SORBS2: variants seen among roughly 807,000 people sequenced by gnomAD.
The protein encoded by SORBS2 is sorbin and SH3 domain-containing protein 2.
SORBS2 carries 46 observed loss-of-function variants against 97.7 expected under a neutral mutation model. That is an observed-to-expected ratio of 0.47 (90% CI 0.37 to 0.60). The LOEUF is 0.60. SORBS2 is among the 20% of genes least tolerant of loss of function. The pLI is 0.00. For missense variants in SORBS2, 1,316 were observed against 1,282.3 expected (o/e 1.03, Z -0.40); for synonymous variants, 476 against 473.4 (o/e 1.01, Z -0.07).
intron 1 of SORBS2, among the ~76,000 whole-genome samples, chr4:185,910,171 T>C (rs1022134721): frequency 6.6e-6 from 1 of 152,070 alleles, no homozygotes; most frequent in African/African-American, 2.4e-5. Flanking sequence ...TGACCCTGTG[T>C]CCTGCAGAAT....
chr4:185,674,282 C>T (rs1378670456), intron 4 of SORBS2, among the ~76,000 whole-genome samples: 1 of 152,228 alleles, frequency 6.6e-6, no homozygotes, highest in Non-Finnish European at 1.5e-5. Context: ...GCGATGCTAT[C>T]TTCCAGTTGG....
chr4:185,740,156 T>C (rs1484143428), intron 2 of SORBS2: 1 of 152,578 alleles, frequency 6.6e-6, no homozygotes, highest in East Asian at 1.9e-4. Context: ...AAAAAATAGA[T>C]GATGGAAAAC....
intron 2 of SORBS2, among the ~76,000 whole-genome samples, chr4:185,729,787 A>G (rs1468628904): frequency 6.6e-6 from 1 of 152,206 alleles, no homozygotes; most frequent in Non-Finnish European, 1.5e-5. Context: ...GTACAGTACA[A>G]CTTATGTAAT....
At chr4:185,752,523 G>T (rs373438117) in intron 2 of SORBS2, among the ~76,000 whole-genome samples, 1 of 152,036 alleles carries the variant, frequency 6.6e-6, no homozygotes. Context: ...TGATCTGCCC[G>T]CCTCGGCCTC....
chr4:185,928,826 G>A (rs1466207005), intron 1 of SORBS2, among the ~76,000 whole-genome samples: 2 of 152,196 alleles, frequency 1.3e-5, no homozygotes, highest in Non-Finnish European at 2.9e-5. Context: ...GATTCCAGGC[G>A]TGAGCCACCG....
In SORBS2 at chr4:185,607,215, T is replaced by TG. The variant is rs1338164585; in HGVS notation, c.2796+4564dup. On this transcript the variant is annotated intron_variant, in intron 12 of 14. Coordinates refer to ENST00000418609, the Ensembl canonical transcript of SORBS2. The surrounding 1 kb of genome is among the most constrained non-coding windows in gnomAD (Gnocchi z 5.2). ...AGTTGTCCAGGAAACGAGGTGGTGT[T>TG]GGGGCCAAAGGGTTTGCTGGTAGAC... 8.6e-6 allele frequency: 10 copies of TG among 1,160,494 alleles called. No homozygotes were observed. The highest frequency in any genetic ancestry group is 9.7e-6 in the Non-Finnish European group (9 of 928,098). The allele number at this position is 1,160,494 out of a possible 1,614,324, so 71.9% of individuals were successfully genotyped here. A position where few individuals can be genotyped will look rare whatever the true frequency, so the allele number is the denominator to read the frequency against.
At chr4:185,750,161 T>A (rs994806410) in intron 2 of SORBS2, among the ~76,000 whole-genome samples, 11 of 152,370 alleles carry the variant, frequency 7.2e-5, no homozygotes, top group African/African-American at 2.6e-4. Flanking sequence ...ACTAGACATG[T>A]AACTCACAGC....
chr4:185,779,020 T>A (rs2099014430), intron 1 of SORBS2, among the ~76,000 whole-genome samples: 1 of 152,238 alleles, frequency 6.6e-6, no homozygotes, highest in Non-Finnish European at 1.5e-5. Flanking sequence ...CTGAGCGTTG[T>A]GTGTTTCACA....
intron 1 of SORBS2, among the ~76,000 whole-genome samples, chr4:185,787,697 G>A (rs748962687): frequency 3.3e-5 from 5 of 152,044 alleles, no homozygotes; most frequent in Non-Finnish European, 7.4e-5. Flanking sequence ...TCCACTTTGG[G>A]TACTCTTGGG....
chr4:185,872,972 C>T (rs993770551), intron 1 of SORBS2, among the ~76,000 whole-genome samples: 1 of 152,302 alleles, frequency 6.6e-6, no homozygotes, highest in East Asian at 1.9e-4. Flanking sequence ...ATGGCAGGTA[C>T]GTCAGCCACC....
intron 4 of SORBS2, among the ~76,000 whole-genome samples, chr4:185,637,648 G>A (rs1024877369): frequency 6.6e-6 from 1 of 152,062 alleles, no homozygotes; most frequent in Admixed American, 6.6e-5. Flanking sequence ...AGGAGGCCTC[G>A]AGGAGATAAT....
intron 2 of SORBS2, among the ~76,000 whole-genome samples, chr4:185,735,374 CTA>C (rs2098677007): frequency 9.6e-6 from 1 of 104,386 alleles, no homozygotes; most frequent in East Asian, 3.3e-4. Context: ...TCAGAGTAAA[CTA>C]TTTTTTTTTT....
rs1285176541 is a variant in SORBS2 at position 185,623,555 on chromosome 4, T to C, written c.1574A>G (p.Glu525Gly). ...GAAGGAAAAGTGATCAAAGTCACTTTCACTGCAGAAGGATGACCCCTCTAG... is the reference window on the plus strand; with the variant it reads ...GAAGGAAAAGTGATCAAAGTCACTTCCACTGCAGAAGGATGACCCCTCTAG... The change falls in exon 7 of 15, where the codon GAA (glutamate) becomes GGA (glycine). Residue 525 changes from glutamate to glycine, a missense_variant. Physicochemically the swap from Glu to Gly is moderately conservative, Grantham distance 98. Transcript: ENST00000418609. This position sits in a 1 kb window ranked among gnomAD's most constrained non-coding sequence, Gnocchi z 6.4. 3 of 1,614,030 alleles carry C rather than the reference T, an allele frequency of 1.9e-6. No homozygotes were observed. Among genetic ancestry groups the C allele is most frequent in the Non-Finnish European group, 2.5e-6 (3 of 1,180,006 alleles).
chr4:185,929,699 C>G (rs1404329918), intron 1 of SORBS2, among the ~76,000 whole-genome samples: 4 of 151,958 alleles, frequency 2.6e-5, no homozygotes, highest in African/African-American at 9.7e-5. Flanking sequence ...CCACGCCCAG[C>G]TGATTTTTGT....
intron 2 of SORBS2, among the ~76,000 whole-genome samples, chr4:185,755,274 C>T (rs1263975002): frequency 6.6e-6 from 1 of 152,216 alleles, no homozygotes; most frequent in Non-Finnish European, 1.5e-5. Context: ...CCTTTGCTTC[C>T]CATCGCAAGC....
At position 185,607,160 on chromosome 4, in the gene SORBS2, A is replaced by C; in HGVS notation, c.2796+4620T>G. The C allele has an allele frequency of 9.0e-7, 1 of 1,114,064 alleles. No homozygotes were observed. The highest frequency in any genetic ancestry group is 1.1e-6 in the Non-Finnish European group (1 of 903,756). The allele number at this position is 1,114,064 out of a possible 1,614,324, so 69.0% of individuals were successfully genotyped here. A position where few individuals can be genotyped will look rare whatever the true frequency, so the allele number is the denominator to read the frequency against. On this transcript the variant is annotated intron_variant, in intron 12 of 14. Coordinates refer to ENST00000418609, the Ensembl canonical transcript of SORBS2. This position sits in a 1 kb window ranked among gnomAD's most constrained non-coding sequence, Gnocchi z 5.2. ...TTGGCTTGGTCAGCTGACAAGGTTA[A>C]AGCACCAAGCTTCTCCAATTCACCC...
chr4:185,683,951 GA>G (rs1465805207), intron 2 of SORBS2, among the ~76,000 whole-genome samples: 2 of 152,102 alleles, frequency 1.3e-5, no homozygotes, highest in Non-Finnish European at 2.9e-5. Flanking sequence ...TCTGCTGTAA[GA>G]CCCATTAATC....
intron 2 of SORBS2, among the ~76,000 whole-genome samples, chr4:185,712,663 C>T (rs976096894): frequency 1.3e-5 from 2 of 152,218 alleles, no homozygotes; most frequent in Non-Finnish European, 2.9e-5. Flanking sequence ...GGCACCCCCA[C>T]CTGGATGCTC....
chr4:185,898,130 G>A (rs1324862661), intron 1 of SORBS2, among the ~76,000 whole-genome samples: 1 of 152,182 alleles, frequency 6.6e-6, no homozygotes, highest in Non-Finnish European at 1.5e-5. Flanking sequence ...ACTTTTTGAC[G>A]TCTAAATAAA....
Sources: gnomAD v4.1 joint callset for allele counts (sites outside exome capture counted in the v4.1 genomes callset) on GRCh38, gnomAD v4.1.1 for gene constraint, Gnocchi (gnomAD v3.1) non-coding constraint, MANE v1.5 for transcripts, NCBI Gene and HGNC (gene_info 2026-07-23, HGNC 2026-07-21) for gene names.